The following LMTK2 variants were observed in gnomAD, a reference collection of about 807,000 sequenced individuals.
The protein encoded by LMTK2 is lemur tail kinase 2.
Under a neutral mutation model 127.5 loss-of-function variants are expected in LMTK2, and 37 were observed. That is an observed-to-expected ratio of 0.29 (90% confidence interval 0.22 to 0.38). The LOEUF (loss-of-function observed/expected upper bound fraction) is 0.38. Among genes scored for constraint, LMTK2 ranks in the 10% least tolerant of loss-of-function variants. The probability of loss-of-function intolerance (pLI) is 1.00; values close to 1 mark genes in which losing one functional copy is unlikely to be tolerated. For synonymous variants in LMTK2, 819 were observed against 810.1 expected (o/e 1.01, Z -0.19); for missense variants, 1,694 against 1,920.3 (o/e 0.88, Z 2.20).
rs1447251838 is a variant in LMTK2, at chr7:98,193,679, G to A, written c.3214G>A (p.Val1072Ile). The change falls in exon 11 of 14, where the codon GTC becomes ATC. Residue 1072 changes from valine (V) to isoleucine (I), a missense_variant. Physicochemically the swap from Val to Ile is conservative, Grantham distance 29. Coordinates refer to ENST00000297293, the MANE Select transcript of LMTK2 (RefSeq NM_014916.4). This position sits in a 1 kb window ranked among gnomAD's most constrained non-coding sequence, Gnocchi z 4.1. ...GGHSGLPPNPVIVISDAGDGH... is the reference protein window; with the variant it reads ...GGHSGLPPNPIIVISDAGDGH... Reference sequence around the variant, plus strand: ...CCACAGCGGTCTGCCTCCCAACCCGGTCATTGTCATCTCAGATGCCGGCGA... The same window carrying A: ...CCACAGCGGTCTGCCTCCCAACCCGATCATTGTCATCTCAGATGCCGGCGA... 6.2e-7 allele frequency: 1 copy of A among 1,613,730 alleles called. No homozygotes were observed. The highest frequency in any genetic ancestry group is 1.3e-5 in the African/African-American group (1 of 74,898).
intron 11 of LMTK2, among the ~76,000 whole-genome samples, chr7:98,196,023 C>G (rs1465477452): frequency 1.3e-5 from 2 of 152,042 alleles, no homozygotes; most frequent in Non-Finnish European, 2.9e-5. Flanking sequence ...AACCCCATCT[C>G]TACTAAAAAT....
At chr7:98,170,452 T>A (rs1388897595) in intron 6 of LMTK2, among the ~76,000 whole-genome samples, 4 of 152,234 alleles carry the variant, frequency 2.6e-5, no homozygotes, top group African/African-American at 9.6e-5. Context: ...TGGGAGGTAT[T>A]TGATAAATTG....
chr7:98,205,854 C>T lies in LMTK2; in HGVS notation c.*362C>T, dbSNP rs1233842823. ...TGTGCTTTCCACAGGGGCGTCTCTG[C>T]GTCCACGCCTGCACATCCCGGCGCA... On this transcript the variant is annotated 3_prime_UTR_variant, in exon 14 of 14. Coordinates refer to ENST00000297293, the MANE Select transcript of LMTK2 (RefSeq NM_014916.4). The T allele has an allele frequency of 1.5e-4, 44 of 294,400 alleles. No individual in the cohort carries two copies. In the Admixed American group the frequency reaches 1.8e-3, roughly 12 times the overall value. 18.2% of individuals were successfully genotyped at this position (294,400 alleles called of 1,614,324 possible). A position where few individuals can be genotyped will look rare whatever the true frequency, so the allele number is the denominator to read the frequency against.
intron 8 of LMTK2, 81 bp from the exon 9 acceptor site, chr7:98,186,796 G>T: frequency 7.7e-7 from 1 of 1,303,236 alleles, no homozygotes. Context: ...TATGTTTTCT[G>T]AGAATACCAT....
In LMTK2 at chr7:98,194,185, T is replaced by C. The variant is rs1237493366; in HGVS notation, c.3720T>C (p.Asn1240=). Residue 1240 remains asparagine, a synonymous_variant, in exon 11 of 14, where the codon AAT becomes AAC. Coordinates refer to ENST00000297293, the MANE Select transcript of LMTK2 (RefSeq NM_014916.4). The surrounding 1 kb of genome is among the most constrained non-coding windows in gnomAD (Gnocchi z 5.4). Reference sequence around the variant, plus strand: ...CGAACGAACTCCTTGCCTACACCAATTCTGCGCTGGACAAGTCCCTGTCCA... The same window carrying C: ...CGAACGAACTCCTTGCCTACACCAACTCTGCGCTGGACAAGTCCCTGTCCA... ...TNTNELLAYT[N]SALDKSLSSH... is the part of the protein sequence containing the mutation. 6.2e-7 allele frequency: 1 copy of C among 1,613,814 alleles called. No homozygotes were observed. Among genetic ancestry groups the C allele is most frequent in the Non-Finnish European group, 8.5e-7 (1 of 1,180,020 alleles).
chr7:98,187,640 G>C (rs1303913433), intron 9 of LMTK2, among the ~76,000 whole-genome samples: 1 of 151,900 alleles, frequency 6.6e-6, no homozygotes, highest in African/African-American at 2.4e-5. Context: ...GAGTCTCACT[G>C]TCGCCCAGGC....
rs930463707 is a variant in LMTK2 at position 98,193,039 on chromosome 7, C to G, written c.2574C>G (p.Ile858Met). ...IVPEDCLHQD[I>M]SPDAVTVPVE... ...CGGAGGACTGTCTCCACCAGGACATCAGTCCAGACGCTGTGACTGTCCCGG... is the reference window on the plus strand; with the variant it reads ...CGGAGGACTGTCTCCACCAGGACATGAGTCCAGACGCTGTGACTGTCCCGG... The change falls in exon 11 of 14, where the codon ATC becomes ATG. Residue 858 changes from isoleucine (I) to methionine (M), a missense_variant. Transcript: ENST00000297293. This position sits in a 1 kb window ranked among gnomAD's most constrained non-coding sequence, Gnocchi z 4.1. 1 of 1,613,884 alleles carries G rather than the reference C, an allele frequency of 6.2e-7. No individual in the cohort carries two copies. Among genetic ancestry groups the G allele is most frequent in the African/African-American group, 1.3e-5 (1 of 74,922 alleles).
At chr7:98,175,518 T>A (rs1562915005) in intron 7 of LMTK2, among the ~76,000 whole-genome samples, 1 of 152,270 alleles carries the variant, frequency 6.6e-6, no homozygotes, top group Non-Finnish European at 1.5e-5. Context: ...GCTTTGTGTG[T>A]GCACGTGCGT....
chr7:98,144,649 C>T (rs1283687021), intron 3 of LMTK2, among the ~76,000 whole-genome samples: 1 of 151,248 alleles, frequency 6.6e-6, no homozygotes, highest in African/African-American at 2.4e-5. Context: ...TTTTAAAAGA[C>T]TTTTTATAGA....
chr7:98,167,307 A>C (rs1173828281), intron 6 of LMTK2, among the ~76,000 whole-genome samples: 1 of 152,238 alleles, frequency 6.6e-6, no homozygotes, highest in Non-Finnish European at 1.5e-5. Flanking sequence ...AGTCCTAGCC[A>C]TGTCTAGCTT....
At chr7:98,177,993 G>A (rs1051103765) in intron 7 of LMTK2, among the ~76,000 whole-genome samples, 1 of 152,224 alleles carries the variant, frequency 6.6e-6, no homozygotes, top group Admixed American at 6.5e-5. Flanking sequence ...AGAATGACGT[G>A]ACGAGCAGAG....
intron 3 of LMTK2, among the ~76,000 whole-genome samples, chr7:98,149,931 CAAT>C (rs1796827398): frequency 1.2e-5 from 1 of 81,648 alleles, no homozygotes; most frequent in Non-Finnish European, 2.3e-5. Flanking sequence ...TTTCAAAACT[CAAT>C]AATAAGAAAC....
chr7:98,146,391 A>T (rs1325025873), intron 3 of LMTK2, among the ~76,000 whole-genome samples: 1 of 151,632 alleles, frequency 6.6e-6, no homozygotes, highest in African/African-American at 2.4e-5. Context: ...TAGTTTTTTT[A>T]TTTTATTTTA....
Position 98,193,523 on chromosome 7 carries a change from A to G in LMTK2, c.3058A>G (p.Lys1020Glu), listed in dbSNP as rs1797569803. The G allele has an allele frequency of 6.2e-7, 1 of 1,614,146 alleles. No homozygotes were observed. Among genetic ancestry groups the G allele is most frequent in the South Asian group, 1.1e-5 (1 of 91,076 alleles). Reference protein sequence around the residue: ...LDSLGSHTPQKLVPPDKPADS... With the variant: ...LDSLGSHTPQELVPPDKPADS... ...CTCTTTAGGATCTCACACTCCCCAGAAACTAGTGCCCCCCGATAAGCCGGC... is the reference window on the plus strand; with the variant it reads ...CTCTTTAGGATCTCACACTCCCCAGGAACTAGTGCCCCCCGATAAGCCGGC... Residue 1020 changes from lysine (K) to glutamate (E), a missense_variant, in exon 11 of 14, where the codon AAA becomes GAA. Transcript: ENST00000297293. This position sits in a 1 kb window ranked among gnomAD's most constrained non-coding sequence, Gnocchi z 4.1.
intron 3 of LMTK2, among the ~76,000 whole-genome samples, chr7:98,146,573 A>G (rs983286291): frequency 2.6e-5 from 4 of 152,126 alleles, no homozygotes; most frequent in East Asian, 1.9e-4. Context: ...AATGATTACA[A>G]TTAACATCCC....
chr7:98,139,583 A>G (rs1293127250), intron 2 of LMTK2, among the ~76,000 whole-genome samples: 1 of 152,232 alleles, frequency 6.6e-6, no homozygotes. Context: ...AATGTCCAAA[A>G]GAAAATTGAA....
chr7:98,161,754 C>T (rs1797019703), intron 6 of LMTK2, among the ~76,000 whole-genome samples: 1 of 151,918 alleles, frequency 6.6e-6, no homozygotes, highest in Non-Finnish European at 1.5e-5. Context: ...GACACAGCAT[C>T]AACAAAAAAA....
chr7:98,129,510 G>A (rs1439041148), intron 1 of LMTK2, among the ~76,000 whole-genome samples: 1 of 152,012 alleles, frequency 6.6e-6, no homozygotes, highest in Admixed American at 6.6e-5. Flanking sequence ...GACTACAGGT[G>A]TGTGTCACCG....
At chr7:98,160,249 A>T (rs924280680) in intron 6 of LMTK2, among the ~76,000 whole-genome samples, 1 of 152,190 alleles carries the variant, frequency 6.6e-6, no homozygotes, top group Non-Finnish European at 1.5e-5. Context: ...CCCAAAACAA[A>T]TTCCCAGTTA....
Sources: gnomAD v4.1 joint callset for allele counts (sites outside exome capture counted in the v4.1 genomes callset) on GRCh38, gnomAD v4.1.1 for gene constraint, Gnocchi (gnomAD v3.1) non-coding constraint, MANE v1.5 for transcripts, NCBI Gene and HGNC (gene_info 2026-07-23, HGNC 2026-07-21) for gene names.